Variants in FOCAD observed in about 807,000 individuals in gnomAD.
FOCAD encodes KIAA1797.
Under a neutral mutation model 225.6 loss-of-function variants are expected in FOCAD, and 198 were observed. The ratio of observed to expected loss-of-function variants is 0.88; its 90% CI spans 0.78 to 0.99. The LOEUF is 0.99. Among genes scored for constraint, FOCAD ranks in the 50% least tolerant of loss-of-function variants. FOCAD has a pLI of 0.00. For synonymous variants in FOCAD, 897 were observed against 755.0 expected, an observed-to-expected ratio of 1.19 and a Z score of -3.08; for missense variants, 2,713 against 2,123.6, an observed-to-expected ratio of 1.28 and a Z score of -5.46.
chr9:20,965,261 G>A (rs1839156389), intron 35 of FOCAD, among the ~76,000 whole-genome samples: 1 of 152,132 alleles, frequency 6.6e-6, no homozygotes, highest in Non-Finnish European at 1.5e-5. Context: ...TGTCTATGTA[G>A]CAGTTGTGTT....
intron 26 of FOCAD, among the ~76,000 whole-genome samples, chr9:20,926,783 C>CA (rs34902651): frequency 0.029 from 3,208 of 110,808 alleles, 132 homozygotes; most frequent in African/African-American, 0.11. Context: ...AACTGTGTCT[C>CA]AAAAAAAAAA....
chr9:20,874,763 G>C lies in FOCAD; in HGVS notation c.2273G>C (p.Cys758Ser), dbSNP rs1464139045. 6.2e-7 allele frequency: 1 copy of C among 1,613,660 alleles called. No homozygotes were observed. The change falls in exon 19 of 44, where the codon TGC becomes TCC. Residue 758 changes from cysteine (C) to serine (S), a missense_variant. Transcript: ENST00000338382. ...GTGGATCTTTCAGTTCCTGGCTCTT[G>C]CTATCTCAAACTGTTGTCACTCACT... ...EDVDLSVPGS[C>S]YLKLLSLTPP...
At chr9:20,686,996 G>GTT (rs778276198) in intron 1 of FOCAD, among the ~76,000 whole-genome samples, 5 of 142,178 alleles carry the variant, frequency 3.5e-5, no homozygotes, top group Admixed American at 1.4e-4. Context: ...TGGCCTCATA[G>GTT]TTTTTTTTTT....
At chr9:20,986,238 C>T in intron 39 of FOCAD, 50 bp from the exon 40 acceptor site, 1 of 1,301,466 alleles carries the variant, frequency 7.7e-7, no homozygotes, top group Non-Finnish European at 9.8e-7. Flanking sequence ...TCTGTAGCTA[C>T]TTCAGTTAAT....
At chr9:20,958,632 C>T (rs1032177421) in intron 35 of FOCAD, among the ~76,000 whole-genome samples, 4 of 152,104 alleles carry the variant, frequency 2.6e-5, no homozygotes, top group African/African-American at 7.2e-5. Context: ...GAACTTATAC[C>T]TTCCATCTAA....
chr9:20,730,373 GATAT>G (rs920654753), intron 4 of FOCAD, among the ~76,000 whole-genome samples: 6 of 152,010 alleles, frequency 3.9e-5, no homozygotes, highest in Non-Finnish European at 8.8e-5. Flanking sequence ...GGAAAGGCAG[GATAT>G]ATATGTAATT....
intron 9 of FOCAD, 146 bp downstream of exon 9, chr9:20,778,914 G>A: frequency 2.0e-6 from 1 of 501,702 alleles, no homozygotes; most frequent in African/African-American, 1.9e-5. Flanking sequence ...TTTTTTTCTT[G>A]TCTAATAAGT....
chr9:20,937,082 T>C (rs915727798), intron 28 of FOCAD, among the ~76,000 whole-genome samples: 9 of 147,344 alleles, frequency 6.1e-5, no homozygotes, highest in South Asian at 2.2e-4. Context: ...TAAAAGAGGA[T>C]ACAAACAAAT....
chr9:20,986,265 A>ATTTTTTTTTTTTTTTTTTTTTTTTTTTT, intron 39 of FOCAD, 23 bp from the exon 40 acceptor site: 1 of 457,022 alleles, frequency 2.2e-6, no homozygotes, highest in Non-Finnish European at 2.9e-6. Flanking sequence ...GTAACTAAAC[A>ATTTTTTTTTTTTTTTTTTTTTTTTTTTT]ATTTTTTTTT....
intron 31 of FOCAD, 84 bp from the exon 32 acceptor site, chr9:20,948,767 A>T (rs1390652396): frequency 3.7e-5 from 54 of 1,460,504 alleles, no homozygotes; most frequent in Non-Finnish European, 4.9e-5. Context: ...TCGACCATTT[A>T]TTTCTCCGTG....
At chr9:20,995,158 T>G (rs987530676) in intron 43 of FOCAD, among the ~76,000 whole-genome samples, 1 of 152,088 alleles carries the variant, frequency 6.6e-6, no homozygotes, top group African/African-American at 2.4e-5. Flanking sequence ...TTATTCATTG[T>G]TGTTTTTTAT....
intron 4 of FOCAD, among the ~76,000 whole-genome samples, chr9:20,739,747 C>G (rs939343276): frequency 2.0e-5 from 3 of 151,980 alleles, no homozygotes; most frequent in Admixed American, 6.6e-5. Context: ...TTATCTCTTA[C>G]AAAAATAAGG....
intron 15 of FOCAD, among the ~76,000 whole-genome samples, chr9:20,846,222 C>T (rs1827094930): frequency 6.6e-6 from 1 of 152,116 alleles, no homozygotes; most frequent in South Asian, 2.1e-4. Context: ...TAAGAAATCA[C>T]TGTGGAGAAA....
chr9:20,849,457 C>A (rs1380281421), intron 15 of FOCAD, among the ~76,000 whole-genome samples: 1 of 151,842 alleles, frequency 6.6e-6, no homozygotes, highest in Admixed American at 6.6e-5. Flanking sequence ...AGTCAGTCAA[C>A]CTTAATGTTG....
Position 20,813,167 on chromosome 9 carries a change from A to G in FOCAD, c.1456-6629A>G, listed in dbSNP as rs1328299234. ...ACTTAGCATTGTGTCCTCAAGGTTC[A>G]TCTAAGTTGTAGTATATGATAGAAT... On this transcript the variant is annotated intron_variant, in intron 11 of 43. Coordinates refer to ENST00000338382, the MANE Select transcript of FOCAD (RefSeq NM_001375567.1). Among the ~76,000 whole-genome samples the G allele has an allele frequency of 2.0e-5, 3 of 152,146 alleles. No individual in the cohort carries two copies. In the East Asian group the frequency reaches 5.8e-4, roughly 29 times the overall value.
At chr9:20,954,907 A>T (rs1837998179) in intron 35 of FOCAD, among the ~76,000 whole-genome samples, 2 of 152,150 alleles carry the variant, frequency 1.3e-5, no homozygotes, top group Admixed American at 1.3e-4. Context: ...CAAAAACAAA[A>T]CCAGACCCTG....
At chr9:20,814,225 T>G (rs1823398853) in intron 11 of FOCAD, among the ~76,000 whole-genome samples, 1 of 152,170 alleles carries the variant, frequency 6.6e-6, no homozygotes, top group African/African-American at 2.4e-5. Flanking sequence ...TATTGCCATT[T>G]TGTTAATTGC....
At chr9:20,988,474 CTTATA>C (rs1222604650) in intron 41 of FOCAD, 45 bp downstream of exon 41, 1 of 1,028,252 alleles carries the variant, frequency 9.7e-7, no homozygotes, top group Non-Finnish European at 1.4e-6. Flanking sequence ...AAATACAGAA[CTTATA>C]TTAGGTTGGT....
intron 4 of FOCAD, among the ~76,000 whole-genome samples, chr9:20,733,642 T>A (rs2131618993): frequency 6.6e-6 from 1 of 152,296 alleles, no homozygotes; most frequent in Middle Eastern, 3.4e-3. Flanking sequence ...TTACTGAGAA[T>A]GATGATTTCC....
Sources: gnomAD v4.1 joint callset for allele counts (sites outside exome capture counted in the v4.1 genomes callset) on GRCh38, gnomAD v4.1.1 for gene constraint, MANE v1.5 for transcripts, NCBI Gene and HGNC (gene_info 2026-07-23, HGNC 2026-07-21) for gene names.